Variants in RIMS1 observed in about 807,000 individuals in gnomAD.
The protein encoded by RIMS1 is regulating synaptic membrane exocytosis protein 1.
In RIMS1, 83 loss-of-function variants were observed where a neutral mutation model predicts 214.1. The observed-to-expected ratio is 0.39, with a 90% CI of 0.32 to 0.47. The LOEUF is 0.47. Ranked by LOEUF, RIMS1 falls within the 20% of genes least tolerant of loss-of-function variation. The pLI, the probability that RIMS1 is intolerant of heterozygous loss-of-function variation, is 0.99. For missense variants in RIMS1, 2,050 were observed against 2,161.8 expected (o/e 0.95, Z 1.03); for synonymous variants, 793 against 786.8 (o/e 1.01, Z -0.13).
chr6:72,006,622 A>T (rs189434381), intron 2 of RIMS1, among the ~76,000 whole-genome samples: 2 of 152,254 alleles, frequency 1.3e-5, no homozygotes, highest in East Asian at 3.9e-4. Context: ...GGTCACTCCC[A>T]CCCTAACACT....
chr6:72,092,331 G>T (rs1046238188), intron 2 of RIMS1, among the ~76,000 whole-genome samples: 5 of 73,110 alleles, frequency 6.8e-5, no homozygotes, highest in Non-Finnish European at 1.6e-4. Flanking sequence ...CATAATATTG[G>T]CTGGTAAAAT....
chr6:72,385,460 C>T (rs1244087595), intron 29 of RIMS1, among the ~76,000 whole-genome samples: 2 of 152,096 alleles, frequency 1.3e-5, no homozygotes, highest in African/African-American at 2.4e-5. Context: ...CATAAAAATA[C>T]CTGTGTAGAT....
At chr6:71,983,608 G>C (rs1324965973) in intron 2 of RIMS1, among the ~76,000 whole-genome samples, 1 of 152,110 alleles carries the variant, frequency 6.6e-6, no homozygotes, top group Non-Finnish European at 1.5e-5. Flanking sequence ...TACCAGAAGA[G>C]GGATGTTGCA....
intron 2 of RIMS1, among the ~76,000 whole-genome samples, chr6:72,073,512 T>G (rs563677792): frequency 3.9e-5 from 6 of 152,358 alleles, no homozygotes; most frequent in African/African-American, 9.6e-5. Flanking sequence ...AATGATGGGT[T>G]TCGCTCTTGA....
chr6:71,969,751 G>A (rs1482578159), intron 2 of RIMS1, among the ~76,000 whole-genome samples: 2 of 152,128 alleles, frequency 1.3e-5, no homozygotes, highest in Non-Finnish European at 2.9e-5. Context: ...GGAGGCTGCC[G>A]TAAGCCAAGA....
At chr6:72,077,279 C>A (rs147700804) in intron 2 of RIMS1, among the ~76,000 whole-genome samples, 1 of 152,300 alleles carries the variant, frequency 6.6e-6, no homozygotes, top group African/African-American at 2.4e-5. Context: ...TTAAAGCTAC[C>A]TGCTATTTCT....
intron 22 of RIMS1, among the ~76,000 whole-genome samples, chr6:72,269,594 C>T (rs576804808): frequency 6.6e-6 from 1 of 152,058 alleles, no homozygotes; most frequent in Non-Finnish European, 1.5e-5. Flanking sequence ...ATTTTTCTCT[C>T]ATTTTATGGT....
intron 2 of RIMS1, among the ~76,000 whole-genome samples, chr6:72,002,024 C>T (rs1054450091): frequency 6.6e-6 from 1 of 152,012 alleles, no homozygotes; most frequent in Non-Finnish European, 1.5e-5. Context: ...AAACTAAGGA[C>T]ATGGTAGGGG....
intron 16 of RIMS1, 94 bp from the exon 17 acceptor site, chr6:72,258,031 C>T (rs2076585465): frequency 4.4e-6 from 5 of 1,134,234 alleles, no homozygotes; most frequent in Non-Finnish European, 6.3e-6. Context: ...CTTCATAGAT[C>T]AATGGCTGCT....
intron 4 of RIMS1, among the ~76,000 whole-genome samples, chr6:72,129,167 G>C (rs1376375154): frequency 6.6e-6 from 1 of 152,104 alleles, no homozygotes. Flanking sequence ...TCTTTGAAAA[G>C]TTAAACTGGT....
intron 2 of RIMS1, among the ~76,000 whole-genome samples, chr6:72,054,570 A>G (rs1357238861): frequency 6.6e-6 from 1 of 152,108 alleles, no homozygotes; most frequent in Admixed American, 6.5e-5. Context: ...CTATTTCTCC[A>G]CAGCCTCGCC....
At chr6:72,343,041 A>C (rs145936539) in intron 29 of RIMS1, among the ~76,000 whole-genome samples, 143 of 151,962 alleles carry the variant, frequency 9.4e-4, no homozygotes, top group African/African-American at 3.3e-3. Flanking sequence ...CCTGCTGAGC[A>C]GCACTTATCC....
intron 16 of RIMS1, among the ~76,000 whole-genome samples, chr6:72,257,058 G>C (rs554450312): frequency 6.6e-6 from 1 of 151,928 alleles, no homozygotes; most frequent in Non-Finnish European, 1.5e-5. Context: ...CTATTAGCCT[G>C]CCTTTAATCA....
chr6:72,182,170 C>T, intron 5 of RIMS1, 114 bp from the exon 6 acceptor site: 1 of 1,185,084 alleles, frequency 8.4e-7, no homozygotes, highest in Non-Finnish European at 1.2e-6. Context: ...GATCCAAATC[C>T]CTATAACTAA....
At chr6:72,324,893 T>G (rs1398174614) in intron 28 of RIMS1, among the ~76,000 whole-genome samples, 1 of 151,894 alleles carries the variant, frequency 6.6e-6, no homozygotes, top group African/African-American at 2.4e-5. Context: ...ATTTACTATC[T>G]GGCCCTTTAC....
intron 1 of RIMS1, among the ~76,000 whole-genome samples, chr6:71,963,405 T>C (rs994369274): frequency 2.6e-5 from 4 of 152,230 alleles, no homozygotes; most frequent in African/African-American, 7.2e-5. Flanking sequence ...CTGTGAGTAT[T>C]TTGGTACATG....
chr6:72,206,848 G>A (rs1269906853), intron 6 of RIMS1, among the ~76,000 whole-genome samples: 2 of 152,152 alleles, frequency 1.3e-5, no homozygotes, highest in African/African-American at 2.4e-5. Flanking sequence ...CTACCCATCT[G>A]CACTACCTTT....
At chr6:72,029,670 C>A (rs2151999560) in intron 2 of RIMS1, among the ~76,000 whole-genome samples, 1 of 152,214 alleles carries the variant, frequency 6.6e-6, no homozygotes, top group Admixed American at 6.5e-5. Context: ...GGACTTTCTG[C>A]AAGTTAGCAC....
intron 29 of RIMS1, among the ~76,000 whole-genome samples, chr6:72,344,351 G>T (rs1207761639): frequency 2.0e-5 from 3 of 151,752 alleles, no homozygotes; most frequent in African/African-American, 7.3e-5. Flanking sequence ...TATAGCTGCA[G>T]GGAAGGAAGG....
Sources: gnomAD v4.1 joint callset for allele counts (sites outside exome capture counted in the v4.1 genomes callset) on GRCh38, gnomAD v4.1.1 for gene constraint, MANE v1.5 for transcripts, NCBI Gene and HGNC (gene_info 2026-07-23, HGNC 2026-07-21) for gene names.